Variants in SYNJ2BP observed in about 807,000 individuals in gnomAD.
The protein encoded by SYNJ2BP is synaptojanin-2-binding protein.
A neutral mutation model predicts 16.9 loss-of-function variants in SYNJ2BP; 10 were observed. The observed-to-expected ratio is 0.59, with a 90% CI of 0.36 to 1.00. The LOEUF is 1.00. Ranked by LOEUF, SYNJ2BP falls within the 50% of genes least tolerant of loss-of-function variation. The probability of loss-of-function intolerance (pLI) is 0.01; values close to 1 mark genes in which losing one functional copy is unlikely to be tolerated. For synonymous variants in SYNJ2BP, 54 were observed against 68.4 expected (o/e 0.79, Z 1.04); for missense variants, 162 against 186.7 (o/e 0.87, Z 0.77).
At position 70,378,424 on chromosome 14, in the gene SYNJ2BP, C is replaced by CTTTT. The variant is rs34309608; in HGVS notation, c.202-2657_202-2654dup. ...TTATTGCCACTATCATTCCTTCAAACTTTTTTTTTTTTTTTTTTTTTTGAG... is the reference window on the plus strand; with the variant it reads ...TTATTGCCACTATCATTCCTTCAAACTTTTTTTTTTTTTTTTTTTTTTTTTTGAG... On this transcript the variant is annotated intron_variant, in intron 2 of 3. Coordinates refer to ENST00000256366, the MANE Select transcript of SYNJ2BP (RefSeq NM_018373.3). Among the ~76,000 whole-genome samples, 37 of 110,138 alleles carry CTTTT rather than the reference C, an allele frequency of 3.4e-4. 1 individual carries two copies. Among genetic ancestry groups the CTTTT allele is most frequent in the South Asian group, 6.1e-4 (2 of 3,274 alleles). The allele number at this position is 110,138 out of a possible 152,430, so 72.3% of individuals were successfully genotyped here.
At chr14:70,401,721 C>T (rs1189451644) in intron 1 of SYNJ2BP, among the ~76,000 whole-genome samples, 2 of 152,022 alleles carry the variant, frequency 1.3e-5, no homozygotes, top group African/African-American at 4.8e-5. Flanking sequence ...CAGCTCACTG[C>T]AGCCTCAATC....
At chr14:70,388,211 G>A (rs955702917) in intron 2 of SYNJ2BP, among the ~76,000 whole-genome samples, 10 of 152,152 alleles carry the variant, frequency 6.6e-5, no homozygotes, top group African/African-American at 1.7e-4. Context: ...TGAGTCCCTC[G>A]CTGCTTCCTG....
chr14:70,417,042 G>A lies in SYNJ2BP; in HGVS notation c.-79C>T, dbSNP rs1462628485. On this transcript the variant is annotated 5_prime_UTR_variant, in exon 1 of 4. Coordinates refer to ENST00000256366, the MANE Select transcript of SYNJ2BP (RefSeq NM_018373.3). The stretch of plus-strand genomic sequence containing the variant: ...GAAGGTGAATCAATCTCGGCGCTGC[G>A]CCCACAGCACAGCGGTTTCGGTTTC... 2.0e-5 allele frequency: 32 copies of A among 1,608,238 alleles called. No individual in the cohort carries two copies. Among genetic ancestry groups the A allele is most frequent in the Non-Finnish European group, 2.7e-5 (32 of 1,176,800 alleles).
At chr14:70,405,245 T>G (rs1004272732) in intron 1 of SYNJ2BP, among the ~76,000 whole-genome samples, 5 of 152,096 alleles carry the variant, frequency 3.3e-5, no homozygotes, top group African/African-American at 7.2e-5. Context: ...TTAAACAGGT[T>G]GTAGAATGTC....
At chr14:70,409,797 T>C (rs576504789) in intron 1 of SYNJ2BP, among the ~76,000 whole-genome samples, 72 of 152,310 alleles carry the variant, frequency 4.7e-4, no homozygotes, top group Non-Finnish European at 9.6e-4. Flanking sequence ...CAGATCATGT[T>C]ACTGCTTCTC....
rs1238182505 is a variant in SYNJ2BP at position 70,366,882 on chromosome 14, TAAG to T, written c.*6106_*6108del. 1.3e-5 allele frequency: 2 copies of T among 152,172 alleles called. No homozygotes were observed. Among genetic ancestry groups the T allele is most frequent in the Non-Finnish European group, 2.9e-5 (2 of 68,020 alleles). 9.4% of individuals were successfully genotyped at this position (152,172 alleles called of 1,614,324 possible). A position where few individuals can be genotyped will look rare whatever the true frequency, so the allele number is the denominator to read the frequency against. On this transcript the variant is annotated 3_prime_UTR_variant, in exon 4 of 4. Coordinates refer to ENST00000256366, the MANE Select transcript of SYNJ2BP (RefSeq NM_018373.3). ...GGTAAAATGCAAATATATCCGGTAA[TAAG>T]AAGCCCAGATTACTGCAGATAAAAG...
chr14:70,375,819 G>A (rs943613135), intron 2 of SYNJ2BP, 48 bp from the exon 3 acceptor site: 1 of 1,602,016 alleles, frequency 6.2e-7, no homozygotes, highest in Admixed American at 1.8e-5. Flanking sequence ...GCTATTAGAA[G>A]TCAACAATTT....
chr14:70,389,518 T>G (rs7141636), intron 1 of SYNJ2BP, among the ~76,000 whole-genome samples: 36,119 of 151,968 alleles, frequency 0.24, 6,037 homozygotes, highest in East Asian at 0.62. Context: ...CTACTTCAAG[T>G]ACAACCATAT....
chr14:70,413,302 A>C (rs1229623663), intron 1 of SYNJ2BP, among the ~76,000 whole-genome samples: 3 of 152,174 alleles, frequency 2.0e-5, no homozygotes, highest in Admixed American at 2.0e-4. Context: ...ATTCCATGCT[A>C]TTAGGTTGGT....
chr14:70,409,859 G>A (rs562226988), intron 1 of SYNJ2BP, among the ~76,000 whole-genome samples: 1 of 152,072 alleles, frequency 6.6e-6, no homozygotes, highest in Admixed American at 6.6e-5. Flanking sequence ...GCCTGGAATC[G>A]CAGCACTGTG....
At chr14:70,396,093 T>A (rs374351220) in intron 1 of SYNJ2BP, among the ~76,000 whole-genome samples, 1 of 152,156 alleles carries the variant, frequency 6.6e-6, no homozygotes, top group East Asian at 1.9e-4. Context: ...GGTGTACAAA[T>A]ATCTGTTTTG....
At chr14:70,404,497 T>C (rs557040053) in intron 1 of SYNJ2BP, among the ~76,000 whole-genome samples, 1 of 152,342 alleles carries the variant, frequency 6.6e-6, no homozygotes, top group Admixed American at 6.5e-5. Context: ...GTCTGAGTCA[T>C]TTACATGGTA....
At chr14:70,411,104 A>G (rs1038184617) in intron 1 of SYNJ2BP, among the ~76,000 whole-genome samples, 2 of 152,184 alleles carry the variant, frequency 1.3e-5, no homozygotes, top group Non-Finnish European at 2.9e-5. Flanking sequence ...GAGAAAGCAT[A>G]TAGAAAAAAA....
In SYNJ2BP at chr14:70,367,104, C is replaced by T. The variant is rs970055903; in HGVS notation, c.*5887G>A. On this transcript the variant is annotated 3_prime_UTR_variant, in exon 4 of 4. Transcript: ENST00000256366. ...AGCTCTCGCCCCTTTCATTCTCCCC[C>T]TGCAAGAACAAAGGCAAAATGAACA... 2.6e-5 allele frequency: 4 copies of T among 152,158 alleles called. No individual in the cohort carries two copies. The highest frequency in any genetic ancestry group is 7.2e-5 in the African/African-American group (3 of 41,434). 9.4% of individuals were successfully genotyped at this position (152,158 alleles called of 1,614,324 possible).
At chr14:70,401,288 C>G (rs1888229655) in intron 1 of SYNJ2BP, among the ~76,000 whole-genome samples, 1 of 152,112 alleles carries the variant, frequency 6.6e-6, no homozygotes, top group Non-Finnish European at 1.5e-5. Flanking sequence ...TTAGAGTTCT[C>G]TGGTCAGAAG....
intron 1 of SYNJ2BP, among the ~76,000 whole-genome samples, chr14:70,413,875 G>C (rs1037850462): frequency 6.6e-6 from 1 of 152,132 alleles, no homozygotes; most frequent in South Asian, 2.1e-4. Flanking sequence ...ACATGTTCTC[G>C]GATCTGATTA....
At chr14:70,378,686 T>A (rs1887685393) in intron 2 of SYNJ2BP, among the ~76,000 whole-genome samples, 1 of 152,174 alleles carries the variant, frequency 6.6e-6, no homozygotes, top group African/African-American at 2.4e-5. Flanking sequence ...CACTATGACA[T>A]CTCTCATACA....
At chr14:70,399,960 G>A (rs1375031603) in intron 1 of SYNJ2BP, among the ~76,000 whole-genome samples, 1 of 152,182 alleles carries the variant, frequency 6.6e-6, no homozygotes, top group Non-Finnish European at 1.5e-5. Context: ...TGCAGTCAGA[G>A]ATCACTGGTT....
intron 2 of SYNJ2BP, 140 bp from the exon 3 acceptor site, chr14:70,375,911 A>C: frequency 9.5e-7 from 1 of 1,048,668 alleles, no homozygotes; most frequent in Non-Finnish European, 1.3e-6. Flanking sequence ...AGTTACTTAG[A>C]GCTCAGAACT....
Sources: gnomAD v4.1 joint callset for allele counts (sites outside exome capture counted in the v4.1 genomes callset) on GRCh38, gnomAD v4.1.1 for gene constraint, MANE v1.5 for transcripts, NCBI Gene and HGNC (gene_info 2026-07-23, HGNC 2026-07-21) for gene names.